SCAPER: variants seen among roughly 807,000 people sequenced by gnomAD.
SCAPER encodes S-phase cyclin A associated protein in the ER, also known as S phase cyclin A-associated protein in the endoplasmic reticulum.
A neutral mutation model predicts 182.2 loss-of-function variants in SCAPER; 98 were observed. The observed-to-expected ratio is 0.54, with a 90% CI of 0.46 to 0.64. The LOEUF (loss-of-function observed/expected upper bound fraction) is 0.64. Ranked by LOEUF, SCAPER falls within the 30% of genes least tolerant of loss-of-function variation. The pLI, the probability that SCAPER is intolerant of heterozygous loss-of-function variation, is 0.00. For missense variants in SCAPER, 1,432 were observed against 1,690.0 expected (o/e 0.85, Z 2.68); for synonymous variants, 605 against 564.6 (o/e 1.07, Z -1.01).
chr15:76,765,644 A>G lies in SCAPER; in HGVS notation c.1420-6T>C. ...CTCCCACTGCCCATGCTGGCCTAAA[A>G]TGTAATAAGGGAAGTTGAAAATCAA... On this transcript the variant is annotated splice_region_variant and splice_polypyrimidine_tract_variant and intron_variant, in intron 11 of 31. Transcript: ENST00000563290. 1 of 1,567,450 alleles carries G rather than the reference A, an allele frequency of 6.4e-7. No individual in the cohort carries two copies. Among genetic ancestry groups the G allele is most frequent in the Non-Finnish European group, 8.7e-7 (1 of 1,154,534 alleles).
At chr15:76,842,362 G>A (rs928587776) in intron 4 of SCAPER, among the ~76,000 whole-genome samples, 10 of 152,104 alleles carry the variant, frequency 6.6e-5, no homozygotes, top group African/African-American at 2.4e-4. Flanking sequence ...ACTGAATCAT[G>A]GGGGCAGTTT....
intron 17 of SCAPER, among the ~76,000 whole-genome samples, chr15:76,713,735 T>G (rs917033196): frequency 1.3e-5 from 2 of 152,100 alleles, no homozygotes; most frequent in South Asian, 4.2e-4. Context: ...CATATGTAAC[T>G]AACCTGCACA....
At chr15:76,866,169 T>G (rs1190594977) in intron 2 of SCAPER, among the ~76,000 whole-genome samples, 1 of 152,184 alleles carries the variant, frequency 6.6e-6, no homozygotes, top group Non-Finnish European at 1.5e-5. Context: ...ATAGATGGCC[T>G]ACTTTTCAGC....
At chr15:76,631,123 T>C (rs536356940) in intron 21 of SCAPER, among the ~76,000 whole-genome samples, 7 of 152,350 alleles carry the variant, frequency 4.6e-5, no homozygotes, top group African/African-American at 1.7e-4. Flanking sequence ...CCCCTGCTTT[T>C]TTGTTTTCCA....
chr15:76,758,907 C>T (rs1291776212), intron 14 of SCAPER, among the ~76,000 whole-genome samples: 1 of 151,996 alleles, frequency 6.6e-6, no homozygotes, highest in African/African-American at 2.4e-5. Context: ...TATGAAAACC[C>T]CACTGATTCT....
intron 26 of SCAPER, among the ~76,000 whole-genome samples, chr15:76,432,036 A>G (rs994156750): frequency 6.6e-6 from 1 of 152,230 alleles, no homozygotes; most frequent in Non-Finnish European, 1.5e-5. Flanking sequence ...TCCCCCTGGA[A>G]GGCCCACTGG....
At chr15:76,852,867 T>G (rs978722188) in intron 4 of SCAPER, among the ~76,000 whole-genome samples, 39 of 151,932 alleles carry the variant, frequency 2.6e-4, no homozygotes, top group Non-Finnish European at 5.4e-4. Context: ...AATCAAGACA[T>G]GAAAAACCTT....
chr15:76,726,142 T>C (rs1298417731), intron 17 of SCAPER, among the ~76,000 whole-genome samples: 4 of 126,282 alleles, frequency 3.2e-5, no homozygotes, highest in African/African-American at 1.2e-4. Context: ...TATATATATA[T>C]ATATATATAT....
At chr15:76,794,190 A>T (rs1343600299) in intron 8 of SCAPER, among the ~76,000 whole-genome samples, 1 of 152,226 alleles carries the variant, frequency 6.6e-6, no homozygotes, top group East Asian at 1.9e-4. Context: ...AAGAGTTACC[A>T]TAAGTATAGA....
intron 23 of SCAPER, among the ~76,000 whole-genome samples, chr15:76,572,919 T>TCACACACACACACACACACACACACA (rs58395846): frequency 4.4e-5 from 6 of 135,174 alleles, no homozygotes; most frequent in Admixed American, 1.5e-4. Flanking sequence ...TCTCTCTCTC[T>TCACACACACACACACACACACACACA]CACACACACA....
At chr15:76,472,035 C>A in intron 24 of SCAPER, 1 of 262,224 alleles carries the variant, frequency 3.8e-6, no homozygotes, top group South Asian at 4.5e-5. Context: ...ATGACCCCAG[C>A]CCGACCAGTC....
At chr15:76,901,723 ATT>A (rs10715597) in intron 1 of SCAPER, among the ~76,000 whole-genome samples, 257 of 145,456 alleles carry the variant, frequency 1.8e-3, no homozygotes, top group African/African-American at 2.8e-3. Context: ...ATTTCTAATA[ATT>A]TTTTTTTTTT....
intron 23 of SCAPER, among the ~76,000 whole-genome samples, chr15:76,528,426 C>T (rs1321550640): frequency 6.6e-6 from 1 of 152,080 alleles, no homozygotes; most frequent in Non-Finnish European, 1.5e-5. Flanking sequence ...TTTGGATGTC[C>T]CATAAGCACA....
intron 25 of SCAPER, among the ~76,000 whole-genome samples, chr15:76,442,875 G>T (rs1474802050): frequency 1.3e-5 from 2 of 152,124 alleles, no homozygotes. Context: ...CTCAGATTCT[G>T]TAGGTCTTTA....
chr15:76,443,654 C>A (rs980104526), intron 25 of SCAPER, among the ~76,000 whole-genome samples: 3 of 152,214 alleles, frequency 2.0e-5, no homozygotes, highest in South Asian at 4.1e-4. Flanking sequence ...ACACCACAGA[C>A]TTCTCAACTG....
chr15:76,896,167 C>T (rs916556817), intron 1 of SCAPER, among the ~76,000 whole-genome samples: 1 of 151,508 alleles, frequency 6.6e-6, no homozygotes, highest in Non-Finnish European at 1.5e-5. Flanking sequence ...CCCAGGAGTT[C>T]GAGACCAGCC....
At chr15:76,780,518 G>A (rs925684544) in intron 8 of SCAPER, among the ~76,000 whole-genome samples, 1 of 152,230 alleles carries the variant, frequency 6.6e-6, no homozygotes, top group African/African-American at 2.4e-5. Flanking sequence ...GCTCTAAAGA[G>A]AGTAGTGGTT....
At chr15:76,740,196 T>C (rs2061468742) in intron 15 of SCAPER, among the ~76,000 whole-genome samples, 1 of 152,172 alleles carries the variant, frequency 6.6e-6, no homozygotes, top group African/African-American at 2.4e-5. Flanking sequence ...GGAAAAACTT[T>C]TGATAATCAC....
At chr15:76,559,055 G>A (rs2046398509) in intron 23 of SCAPER, among the ~76,000 whole-genome samples, 1 of 151,582 alleles carries the variant, frequency 6.6e-6, no homozygotes, top group South Asian at 2.1e-4. Context: ...TTTTTTCGGA[G>A]ATGGAGCCTC....
Sources: allele counts gnomAD v4.1 joint callset (sites outside exome capture counted in the v4.1 genomes callset), GRCh38; gene constraint gnomAD v4.1.1; transcripts MANE v1.5; gene names NCBI Gene and HGNC (gene_info 2026-07-23, HGNC 2026-07-21).